POLR3A: variants seen among roughly 807,000 people sequenced by gnomAD.
POLR3A encodes DNA-directed RNA polymerase III subunit RPC1.
In POLR3A, 112 loss-of-function variants were observed where a neutral mutation model predicts 152.8. That is an observed-to-expected ratio of 0.73 (90% CI 0.63 to 0.86). The LOEUF (loss-of-function observed/expected upper bound fraction) is 0.86, where lower values mean the gene tolerates loss of function less well. Ranked by LOEUF, POLR3A falls within the 40% of genes least tolerant of loss-of-function variation. The probability of loss-of-function intolerance (pLI) is 0.00; values close to 1 mark genes in which losing one functional copy is unlikely to be tolerated. For missense variants in POLR3A, 1,385 were observed against 1,743.1 expected, an observed-to-expected ratio of 0.79 and a Z score of 3.66; for synonymous variants, 615 against 652.1, an observed-to-expected ratio of 0.94 and a Z score of 0.87.
intron 19 of POLR3A, 149 bp downstream of exon 19, chr10:77,999,832 A>G (rs773541545): frequency 1.9e-5 from 15 of 777,346 alleles, no homozygotes; most frequent in African/African-American, 3.5e-5. Flanking sequence ...GTTCATTTCC[A>G]GGGCATCTAC....
rs546160104 is a variant in POLR3A at position 78,025,509 on chromosome 10, A to G, written c.318+113T>C. The G allele has an allele frequency of 6.3e-5, 63 of 995,364 alleles. 2 individuals carry two copies. In the South Asian group the frequency reaches 7.4e-4, roughly 12 times the overall value. The allele number at this position is 995,364 out of a possible 1,614,324, so 61.7% of individuals were successfully genotyped here. On this transcript the variant is annotated intron_variant, in intron 3 of 30. Transcript: ENST00000372371. ...GATGAAAATATTATGTACTTAGTAT[A>G]AAAGAGTCCCCTAGATGTATCCCCC...
At chr10:77,978,592 C>T (rs1157276520) in intron 30 of POLR3A, among the ~76,000 whole-genome samples, 1 of 152,158 alleles carries the variant, frequency 6.6e-6, no homozygotes, top group Non-Finnish European at 1.5e-5. Context: ...GGGCTTTCTT[C>T]CAGTCTTCTG....
chr10:78,002,610 C>A (rs1847368362), intron 16 of POLR3A, among the ~76,000 whole-genome samples: 1 of 152,094 alleles, frequency 6.6e-6, no homozygotes. Flanking sequence ...CAGCTCACTG[C>A]AGCCTCAAAC....
rs56144624 is a variant in POLR3A, at chr10:77,976,135, CTTTTTTT to C, written c.*1336_*1342del. 1 of 143,200 alleles carries C rather than the reference CTTTTTTT, an allele frequency of 7.0e-6. No homozygotes were observed. Among genetic ancestry groups the C allele is most frequent in the Non-Finnish European group, 1.5e-5 (1 of 65,004 alleles). The allele number at this position is 143,200 out of a possible 1,614,324, so 8.9% of individuals were successfully genotyped here. On this transcript the variant is annotated 3_prime_UTR_variant, in exon 31 of 31. Coordinates refer to ENST00000372371, the MANE Select transcript of POLR3A (RefSeq NM_007055.4). ...ATTTTTTTTTACGCTTAATTTTTTTCTTTTTTTTTTTTGAGACAAGGTCTTGCTTTGT... is the reference window on the plus strand; with the variant it reads ...ATTTTTTTTTACGCTTAATTTTTTTCTTTTTGAGACAAGGTCTTGCTTTGT...
chr10:78,013,161 A>G (rs1202269084), intron 11 of POLR3A: 1 of 233,306 alleles, frequency 4.3e-6, no homozygotes, highest in Non-Finnish European at 8.5e-6. Flanking sequence ...ATCATTATGT[A>G]TAATACTGCA....
intron 22 of POLR3A, 23 bp from the exon 23 acceptor site, chr10:77,986,008 CAG>C: frequency 6.2e-7 from 1 of 1,611,716 alleles, no homozygotes; most frequent in African/African-American, 1.3e-5. Context: ...AAGCCAAGCA[CAG>C]AGTTAGGGCC....
intron 11 of POLR3A, among the ~76,000 whole-genome samples, chr10:78,011,837 G>T (rs1228672716): frequency 6.6e-6 from 1 of 152,128 alleles, no homozygotes; most frequent in East Asian, 1.9e-4. Flanking sequence ...GAGGAAACTT[G>T]TCCACATGGT....
At chr10:77,997,090 G>C (rs1178015984) in intron 19 of POLR3A, among the ~76,000 whole-genome samples, 1 of 151,916 alleles carries the variant, frequency 6.6e-6, no homozygotes, top group African/African-American at 2.4e-5. Flanking sequence ...GATGCAGAAA[G>C]GCCTTTGACA....
At chr10:78,027,875 T>C (rs1413208412) in intron 1 of POLR3A, among the ~76,000 whole-genome samples, 3 of 152,200 alleles carry the variant, frequency 2.0e-5, no homozygotes, top group Non-Finnish European at 4.4e-5. Context: ...AGGATTTTAA[T>C]TGACAATACC....
At chr10:77,992,768 C>T (rs888778110) in intron 20 of POLR3A, among the ~76,000 whole-genome samples, 2 of 151,776 alleles carry the variant, frequency 1.3e-5, no homozygotes, top group African/African-American at 4.8e-5. Context: ...TCAAACTTCT[C>T]GCCTCAAGTG....
In POLR3A at chr10:78,022,304, T is replaced by C. The variant is rs757615089; in HGVS notation, c.726A>G (p.Pro242=). The C allele has an allele frequency of 4.2e-5, 67 of 1,614,196 alleles. No homozygotes were observed. The South Asian group carries it at 6.7e-4, about 16-fold the overall frequency. Residue 242 remains proline, a synonymous_variant, in exon 6 of 31, where the codon CCA becomes CCG. Transcript: ENST00000372371. ...TCAAATCAGACGGCTTTCCGGCTTCTGGGTTCATCAGAAGTAGAGGAACAT... is the reference window on the plus strand; with the variant it reads ...TCAAATCAGACGGCTTTCCGGCTTCCGGGTTCATCAGAAGTAGAGGAACAT... The part of the protein sequence containing the change: ...AEDVPLLLMN[P]EAGKPSDLIL...
intron 16 of POLR3A, among the ~76,000 whole-genome samples, chr10:78,002,792 T>C (rs1847370206): frequency 6.6e-6 from 1 of 152,110 alleles, no homozygotes; most frequent in African/African-American, 2.4e-5. Context: ...CCTGCCTTGA[T>C]TATAGGCATA....
chr10:77,979,870 C>A lies in POLR3A; in HGVS notation c.4024+271G>T, dbSNP rs111713910. 0.01 allele frequency among the ~76,000 whole-genome samples: 1,592 copies of A among 152,316 alleles called. 24 individuals are homozygous for A. Among genetic ancestry groups the A allele is most frequent in the African/African-American group, 0.033 (1,379 of 41,572 alleles). ...AAGTCAAGGGCTAGAAAAATTCTTA[C>A]ATGCCCAGGGTTGCTCTTTGCTTCG... On this transcript the variant is annotated intron_variant, in intron 30 of 30. Coordinates refer to ENST00000372371, the MANE Select transcript of POLR3A (RefSeq NM_007055.4).
chr10:78,018,500 A>G (rs1847547392), intron 9 of POLR3A, among the ~76,000 whole-genome samples: 1 of 142,762 alleles, frequency 7.0e-6, no homozygotes, highest in Non-Finnish European at 1.5e-5. Context: ...CTCTGTCTTG[A>G]AAAAAAAAAA....
intron 19 of POLR3A, among the ~76,000 whole-genome samples, chr10:77,995,566 GC>G (rs1847291696): frequency 6.6e-6 from 1 of 152,036 alleles, no homozygotes; most frequent in Non-Finnish European, 1.5e-5. Flanking sequence ...GACAAAGAAG[GC>G]CATTACATAA....
chr10:77,981,648 A>G, intron 28 of POLR3A, 89 bp from the exon 29 acceptor site: 1 of 1,485,352 alleles, frequency 6.7e-7, no homozygotes, highest in Admixed American at 1.7e-5. Flanking sequence ...TGCAGTTTCA[A>G]AGCAAACCCT....
At chr10:78,012,504 A>G (rs1847476100) in intron 11 of POLR3A, among the ~76,000 whole-genome samples, 1 of 152,208 alleles carries the variant, frequency 6.6e-6, no homozygotes. Context: ...AGAAATGGTA[A>G]TAAGTGATTT....
intron 29 of POLR3A, among the ~76,000 whole-genome samples, chr10:77,981,177 C>T (rs558428166): frequency 6.6e-6 from 1 of 152,260 alleles, no homozygotes; most frequent in South Asian, 2.1e-4. Context: ...CGGAACCAAG[C>T]TCCAGCTCTC....
At chr10:78,012,107 G>A (rs1847471945) in intron 11 of POLR3A, among the ~76,000 whole-genome samples, 2 of 152,202 alleles carry the variant, frequency 1.3e-5, no homozygotes, top group African/African-American at 2.4e-5. Flanking sequence ...GCTCACACCT[G>A]TAATCCCAGC....
Sources: gnomAD v4.1 joint callset for allele counts (sites outside exome capture counted in the v4.1 genomes callset) on GRCh38, gnomAD v4.1.1 for gene constraint, MANE v1.5 for transcripts, NCBI Gene and HGNC (gene_info 2026-07-23, HGNC 2026-07-21) for gene names.